The following IQCM variants were observed in gnomAD, a reference collection of about 807,000 sequenced individuals.
The protein encoded by IQCM is IQ domain-containing protein M.
IQCM carries 45 observed loss-of-function variants against 57.6 expected under a neutral mutation model. The observed-to-expected ratio is 0.78, with a 90% confidence interval of 0.62 to 1.00. IQCM has a LOEUF of 1.00. Among genes scored for constraint, IQCM ranks in the 50% least tolerant of loss-of-function variants. The pLI, the probability that IQCM is intolerant of heterozygous loss-of-function variation, is 0.00. For synonymous variants in IQCM, 148 were observed against 158.9 expected (o/e 0.93, Z 0.51); for missense variants, 468 against 511.6 (o/e 0.91, Z 0.82).
chr4:149,405,117 G>T (rs1388281641), intron 13 of IQCM, among the ~76,000 whole-genome samples: 1 of 151,656 alleles, frequency 6.6e-6, no homozygotes, highest in African/African-American at 2.4e-5. Context: ...CAGAAGAGAA[G>T]AAAAATTAGG....
chr4:149,703,059 C>G (rs2149815648), intron 5 of IQCM, among the ~76,000 whole-genome samples: 1 of 152,024 alleles, frequency 6.6e-6, no homozygotes, highest in East Asian at 1.9e-4. Flanking sequence ...ACATAGCTTG[C>G]TTTGTGTTAT....
chr4:149,403,279 A>G (rs973833232), intron 13 of IQCM, among the ~76,000 whole-genome samples: 4 of 151,998 alleles, frequency 2.6e-5, no homozygotes, highest in Non-Finnish European at 5.9e-5. Flanking sequence ...TCCTGCATGT[A>G]ACAGCAGGAA....
chr4:149,650,462 G>T (rs967046453), intron 7 of IQCM, among the ~76,000 whole-genome samples: 1 of 137,568 alleles, frequency 7.3e-6, no homozygotes, highest in Non-Finnish European at 1.5e-5. Context: ...GCGTGATCTT[G>T]GTTCACTGCA....
At chr4:149,395,756 C>T (rs1313088152) in intron 13 of IQCM, among the ~76,000 whole-genome samples, 2 of 151,992 alleles carry the variant, frequency 1.3e-5, no homozygotes, top group African/African-American at 4.8e-5. Context: ...CAAATGCTGG[C>T]TGTTATAATT....
At chr4:149,708,412 G>C (rs560970503) in intron 5 of IQCM, among the ~76,000 whole-genome samples, 1 of 151,706 alleles carries the variant, frequency 6.6e-6, no homozygotes, top group South Asian at 2.1e-4. Flanking sequence ...ACTATATTTT[G>C]TCAGAATGTA....
At chr4:149,512,169 T>G (rs568707917) in intron 12 of IQCM, among the ~76,000 whole-genome samples, 26 of 152,212 alleles carry the variant, frequency 1.7e-4, no homozygotes, top group Non-Finnish European at 3.1e-4. Flanking sequence ...CAGAGCAACA[T>G]GAGCTCTACT....
intron 2 of IQCM, among the ~76,000 whole-genome samples, chr4:149,770,763 A>G (rs1028945795): frequency 2.0e-5 from 3 of 152,198 alleles, no homozygotes; most frequent in African/African-American, 7.2e-5. Flanking sequence ...GCAAGCCATG[A>G]ATAGAATTTT....
chr4:149,600,471 GA>G, intron 8 of IQCM, among the ~76,000 whole-genome samples: 1 of 152,172 alleles, frequency 6.6e-6, no homozygotes, highest in African/African-American at 2.4e-5. Context: ...TATGAAAATA[GA>G]ATACAGTGAA....
At chr4:149,752,088 T>C (rs561793205) in intron 2 of IQCM, among the ~76,000 whole-genome samples, 2 of 152,216 alleles carry the variant, frequency 1.3e-5, no homozygotes, top group South Asian at 4.1e-4. Context: ...TGGGTGACTT[T>C]AGAAACATGA....
chr4:149,562,392 G>C (rs1472099800), intron 10 of IQCM, among the ~76,000 whole-genome samples: 1 of 152,204 alleles, frequency 6.6e-6, no homozygotes, highest in Non-Finnish European at 1.5e-5. Flanking sequence ...TGAAAAAGTT[G>C]AAAGAATCTA....
At chr4:149,372,520 A>G (rs1730433082) in intron 13 of IQCM, among the ~76,000 whole-genome samples, 1 of 152,034 alleles carries the variant, frequency 6.6e-6, no homozygotes, top group African/African-American at 2.4e-5. Flanking sequence ...ATATGGGGCT[A>G]CACAATAGCC....
At chr4:149,591,011 T>C (rs556957787) in intron 8 of IQCM, among the ~76,000 whole-genome samples, 1 of 152,056 alleles carries the variant, frequency 6.6e-6, no homozygotes, top group Non-Finnish European at 1.5e-5. Context: ...TCTAAACACT[T>C]GGCTGAATAT....
chr4:149,554,579 G>T (rs1176696483), intron 10 of IQCM, among the ~76,000 whole-genome samples: 1 of 151,960 alleles, frequency 6.6e-6, no homozygotes, highest in Admixed American at 6.6e-5. Flanking sequence ...CTCCCAAAGT[G>T]CTGGGATTAC....
chr4:149,409,329 G>T (rs562551767), intron 13 of IQCM, among the ~76,000 whole-genome samples: 2 of 152,322 alleles, frequency 1.3e-5, no homozygotes, highest in South Asian at 4.1e-4. Flanking sequence ...TCATCCTCTA[G>T]CCCAGGAATT....
chr4:149,642,818 A>G (rs1000177755), intron 7 of IQCM, among the ~76,000 whole-genome samples: 1 of 152,160 alleles, frequency 6.6e-6, no homozygotes, highest in African/African-American at 2.4e-5. Flanking sequence ...CTGGTTCATA[A>G]AATTTGTATC....
intron 12 of IQCM, among the ~76,000 whole-genome samples, chr4:149,440,056 T>C (rs773343121): frequency 6.6e-6 from 1 of 150,702 alleles, no homozygotes; most frequent in African/African-American, 2.4e-5. Flanking sequence ...TCCTGGGTTC[T>C]AGCGATTCTC....
chr4:149,498,319 T>C (rs1393548820), intron 12 of IQCM, among the ~76,000 whole-genome samples: 4 of 152,224 alleles, frequency 2.6e-5, no homozygotes, highest in East Asian at 1.9e-4. Flanking sequence ...TCTGTGACTC[T>C]TGGACCAAAG....
intron 7 of IQCM, among the ~76,000 whole-genome samples, chr4:149,674,575 G>T (rs952401477): frequency 1.3e-5 from 2 of 152,106 alleles, no homozygotes; most frequent in Non-Finnish European, 1.5e-5. Flanking sequence ...TGTTAGAGAG[G>T]CCTTTGGGCG....
At chr4:149,375,261 C>T (rs774117438) in intron 13 of IQCM, among the ~76,000 whole-genome samples, 2 of 151,982 alleles carry the variant, frequency 1.3e-5, no homozygotes, top group South Asian at 2.1e-4. Context: ...TGTACCTGAC[C>T]GAAACTACAT....
Sources: gnomAD v4.1 joint callset for allele counts (sites outside exome capture counted in the v4.1 genomes callset) on GRCh38, gnomAD v4.1.1 for gene constraint, MANE v1.5 for transcripts, NCBI Gene and HGNC (gene_info 2026-07-23, HGNC 2026-07-21) for gene names.